The following CDH4 variants were observed in gnomAD, a reference collection of about 807,000 sequenced individuals.
CDH4 encodes cadherin 4.
CDH4 carries 33 observed loss-of-function variants against 86.0 expected under a neutral mutation model. The observed-to-expected ratio is 0.38, with a 90% CI of 0.29 to 0.51. The LOEUF is 0.51. CDH4 is among the 20% of genes least tolerant of loss of function. CDH4 has a pLI of 0.86. For synonymous variants in CDH4, 555 were observed against 549.4 expected (o/e 1.01, Z -0.14); for missense variants, 1,114 against 1,307.4 (o/e 0.85, Z 2.28).
chr20:61,937,033 C>G lies in CDH4; in HGVS notation c.*90C>G. 2 of 1,166,548 alleles carry G rather than the reference C, an allele frequency of 1.7e-6. No homozygotes were observed. Among genetic ancestry groups the G allele is most frequent in the Non-Finnish European group, 2.4e-6 (2 of 846,672 alleles). 72.3% of individuals were successfully genotyped at this position (1,166,548 alleles called of 1,614,324 possible). ...AGAGGCGGCCGGTCTTCCCGACTCC[C>G]TGCGGCTGTGTCCTTAGTGCTGTTA... On this transcript the variant is annotated 3_prime_UTR_variant, in exon 16 of 16. Coordinates refer to ENST00000614565, the MANE Select transcript of CDH4 (RefSeq NM_001794.5).
chr20:61,511,683 G>C (rs1015874233), intron 2 of CDH4, among the ~76,000 whole-genome samples: 7 of 152,224 alleles, frequency 4.6e-5, no homozygotes, highest in African/African-American at 7.2e-5. Context: ...AAAGACGAGA[G>C]AGAAGATGTT....
chr20:61,559,519 CTTTTTT>C (rs1156864328), intron 2 of CDH4, among the ~76,000 whole-genome samples: 4 of 105,164 alleles, frequency 3.8e-5, no homozygotes, highest in African/African-American at 1.7e-4. Flanking sequence ...ATTTTTTTTT[CTTTTTT>C]TTTTTTTTTT....
chr20:61,767,616 G>A (rs969999302), intron 3 of CDH4, among the ~76,000 whole-genome samples: 4 of 152,190 alleles, frequency 2.6e-5, no homozygotes, highest in Admixed American at 6.5e-5. Context: ...CAGAGTGGGC[G>A]CTTTGGGCCG....
At chr20:61,768,074 C>T (rs777477875) in intron 3 of CDH4, among the ~76,000 whole-genome samples, 8 of 152,198 alleles carry the variant, frequency 5.3e-5, no homozygotes, top group Non-Finnish European at 8.8e-5. Flanking sequence ...CCCTCCTGGA[C>T]GCTGCTAGTT....
At position 61,550,250 on chromosome 20, in the gene CDH4, A is replaced by T. The variant is rs540534406; in HGVS notation, c.170-193313A>T. ...CTGCCCCAACTTCTCTGGCTTTCCT[A>T]GCTTGCCTCCCTGGCCTCCCTAGCC... On this transcript the variant is annotated intron_variant, in intron 2 of 15. Transcript: ENST00000614565. 1.4e-4 allele frequency among the ~76,000 whole-genome samples: 19 copies of T among 132,488 alleles called. No individual in the cohort carries two copies. In the East Asian group the frequency reaches 4.3e-3, roughly 30 times the overall value. 86.9% of individuals were successfully genotyped at this position (132,488 alleles called of 152,430 possible). A position where few individuals can be genotyped will look rare whatever the true frequency, so the allele number is the denominator to read the frequency against.
chr20:61,525,624 G>A (rs1021871604), intron 2 of CDH4, among the ~76,000 whole-genome samples: 8 of 152,220 alleles, frequency 5.3e-5, no homozygotes, highest in African/African-American at 1.9e-4. Flanking sequence ...GGTAGCTGCC[G>A]TGTGCTCGGC....
At chr20:61,734,827 A>G (rs2088240169) in intron 2 of CDH4, among the ~76,000 whole-genome samples, 1 of 152,216 alleles carries the variant, frequency 6.6e-6, no homozygotes, top group Non-Finnish European at 1.5e-5. Flanking sequence ...GCGCACACAA[A>G]GCGCGCACAG....
At chr20:61,707,771 G>C (rs566104937) in intron 2 of CDH4, among the ~76,000 whole-genome samples, 1 of 152,122 alleles carries the variant, frequency 6.6e-6, no homozygotes, top group Non-Finnish European at 1.5e-5. Flanking sequence ...GGAACGCGCA[G>C]CCTAGATCCC....
chr20:61,441,932 G>A (rs537265565), intron 2 of CDH4, among the ~76,000 whole-genome samples: 5 of 152,268 alleles, frequency 3.3e-5, no homozygotes, highest in African/African-American at 1.2e-4. Context: ...TTTACTAACA[G>A]GACATAGCTT....
At chr20:61,632,546 C>A (rs948974086) in intron 2 of CDH4, among the ~76,000 whole-genome samples, 1 of 152,110 alleles carries the variant, frequency 6.6e-6, no homozygotes, top group African/African-American at 2.4e-5. Context: ...CGGCTTCCCC[C>A]TCCCGGGCTG....
At chr20:61,666,192 C>A (rs1428046682) in intron 2 of CDH4, among the ~76,000 whole-genome samples, 1 of 152,200 alleles carries the variant, frequency 6.6e-6, no homozygotes, top group Non-Finnish European at 1.5e-5. Context: ...ATTTTCCCTG[C>A]CAAAAAGTGG....
rs980125624 is a variant in CDH4, at chr20:61,544,292, G to A, written c.170-199271G>A. 2.0e-5 allele frequency among the ~76,000 whole-genome samples: 3 copies of A among 152,124 alleles called. No individual in the cohort carries two copies. The highest frequency in any genetic ancestry group is 4.8e-5 in the African/African-American group (2 of 41,510). On this transcript the variant is annotated intron_variant, in intron 2 of 15. Coordinates refer to ENST00000614565, the MANE Select transcript of CDH4 (RefSeq NM_001794.5). The surrounding 1 kb of genome is among the most constrained non-coding windows in gnomAD (Gnocchi z 6.5). ...CATCGAGCGGGTGGAGGCTGGGTAC[G>A]GCTAAACACCCCACAGCCCAGGACA...
intron 4 of CDH4, among the ~76,000 whole-genome samples, chr20:61,796,940 G>C (rs1025231152): frequency 6.6e-6 from 1 of 152,148 alleles, no homozygotes; most frequent in Non-Finnish European, 1.5e-5. Context: ...TGAGGCTCGC[G>C]TGCCCATGCC....
chr20:61,651,632 GGT>G (rs2087121742), intron 2 of CDH4, among the ~76,000 whole-genome samples: 1 of 152,188 alleles, frequency 6.6e-6, no homozygotes, highest in East Asian at 1.9e-4. Flanking sequence ...CCACCTCGCA[GGT>G]GGCCATCGGG....
intron 2 of CDH4, among the ~76,000 whole-genome samples, chr20:61,340,566 TTGTTTCTTTTATTTATA>T (rs2084644553): frequency 6.6e-6 from 1 of 152,032 alleles, no homozygotes; most frequent in Admixed American, 6.5e-5. Flanking sequence ...AAACAAGTGT[TTGTTTCTTTTATTTATA>T]TGTTTCTTTT....
chr20:61,666,315 T>C (rs936088761), intron 2 of CDH4, among the ~76,000 whole-genome samples: 2 of 152,132 alleles, frequency 1.3e-5, no homozygotes, highest in Admixed American at 1.3e-4. Flanking sequence ...TAGACGAACT[T>C]GAAATTCACC....
At chr20:61,528,924 A>G (rs2085933045) in intron 2 of CDH4, among the ~76,000 whole-genome samples, 1 of 151,726 alleles carries the variant, frequency 6.6e-6, no homozygotes, top group South Asian at 2.1e-4. Flanking sequence ...TCCATAGATG[A>G]CATTCACTGA....
intron 3 of CDH4, among the ~76,000 whole-genome samples, chr20:61,766,423 T>A: frequency 1.3e-5 from 2 of 152,142 alleles, no homozygotes; most frequent in East Asian, 3.9e-4. Context: ...CTCTGCCCTC[T>A]GGAAGTCCTG....
In CDH4 at chr20:61,274,860, C is replaced by T. The variant is rs139107095; in HGVS notation, c.169+19923C>T. Among the ~76,000 whole-genome samples the T allele has an allele frequency of 2.1e-3, 264 of 124,852 alleles. 3 individuals are homozygous for T. The East Asian group carries it at 0.038, about 18-fold the overall frequency. The allele number at this position is 124,852 out of a possible 152,430, so 81.9% of individuals were successfully genotyped here. A position where few individuals can be genotyped will look rare whatever the true frequency, so the allele number is the denominator to read the frequency against. On this transcript the variant is annotated intron_variant, in intron 2 of 15. Coordinates refer to ENST00000614565, the MANE Select transcript of CDH4 (RefSeq NM_001794.5). ...GGGCAGTTTGGGGGATTACTGCATG[C>T]GGTTGTTTGGGAGAGTACTGTGTGC...
Sources: gnomAD v4.1 joint callset for allele counts (sites outside exome capture counted in the v4.1 genomes callset) on GRCh38, gnomAD v4.1.1 for gene constraint, Gnocchi (gnomAD v3.1) non-coding constraint, MANE v1.5 for transcripts, NCBI Gene and HGNC (gene_info 2026-07-23, HGNC 2026-07-21) for gene names.